PPP6C: variants seen among roughly 807,000 people sequenced by gnomAD.
PPP6C encodes protein phosphatase 6 catalytic subunit.
PPP6C carries 11 observed loss-of-function variants against 39.8 expected under a neutral mutation model. That is an observed-to-expected ratio of 0.28 (90% CI 0.17 to 0.46). PPP6C has a LOEUF of 0.46. Ranked by LOEUF, PPP6C falls within the 20% of genes least tolerant of loss-of-function variation. The pLI, the probability that PPP6C is intolerant of heterozygous loss-of-function variation, is 1.00. For missense variants in PPP6C, 211 were observed against 373.9 expected, an observed-to-expected ratio of 0.56 and a Z score of 3.59; for synonymous variants, 129 against 130.3, an observed-to-expected ratio of 0.99 and a Z score of 0.07.
Position 125,149,845 on chromosome 9 carries a change from T to A in PPP6C, c.746A>T (p.Asp249Val). The change falls in exon 7 of 7, where the codon GAT (aspartate) becomes GTT (valine). Residue 249 changes from aspartate to valine, a missense_variant. Transcript: ENST00000373547. ...LVHEGYKFMF[D>V]EKLVTVWSAP... is the part of the protein sequence containing the mutation. ...AGACCATACTGTCACCAGCTTCTCA[T>A]CAAACATAAATTTATAGCCTTCGTG... is the stretch of plus-strand genomic sequence containing the variant. 5.6e-6 allele frequency: 9 copies of A among 1,614,210 alleles called. No homozygotes were observed. Among genetic ancestry groups the A allele is most frequent in the Non-Finnish European group, 7.6e-6 (9 of 1,180,028 alleles).
intron 1 of PPP6C, among the ~76,000 whole-genome samples, chr9:125,173,118 A>C (rs1440633092): frequency 2.0e-5 from 3 of 152,036 alleles, no homozygotes; most frequent in African/African-American, 7.2e-5. Flanking sequence ...ATCTCTACTA[A>C]ATATAAAAAT....
chr9:125,171,486 T>C (rs369786953), intron 1 of PPP6C, among the ~76,000 whole-genome samples: 107 of 71,828 alleles, frequency 1.5e-3, no homozygotes, highest in Middle Eastern at 6.1e-3. Context: ...CACATATATA[T>C]ATATATATAT....
intron 2 of PPP6C, 76 bp downstream of exon 2, chr9:125,171,009 A>T: frequency 1.0e-6 from 1 of 968,146 alleles, no homozygotes. Flanking sequence ...TTGTTGTTTT[A>T]ATTTTGCAGC....
intron 4 of PPP6C, among the ~76,000 whole-genome samples, chr9:125,154,626 C>T (rs1439371065): frequency 6.6e-6 from 1 of 152,134 alleles, no homozygotes; most frequent in Non-Finnish European, 1.5e-5. Flanking sequence ...AATGTTTTAA[C>T]AGTTATGTTA....
At chr9:125,164,748 T>C (rs115426438) in intron 2 of PPP6C, among the ~76,000 whole-genome samples, 3,538 of 151,652 alleles carry the variant, frequency 0.023, 145 homozygotes, top group African/African-American at 0.082. Context: ...GGGAAGTGGA[T>C]TTTTTTTTGA....
intron 6 of PPP6C, 115 bp downstream of exon 6, chr9:125,153,418 C>T: frequency 1.1e-6 from 1 of 940,586 alleles, no homozygotes; most frequent in Non-Finnish European, 1.6e-6. Context: ...TTAATATCCA[C>T]AGCCACCATA....
chr9:125,179,807 C>T (rs1014626387), intron 1 of PPP6C, among the ~76,000 whole-genome samples: 3 of 151,914 alleles, frequency 2.0e-5, no homozygotes, highest in African/African-American at 4.8e-5. Context: ...AGGCACCTGC[C>T]ACCACACCCA....
chr9:125,150,819 A>G (rs961274265), intron 6 of PPP6C: 4 of 752,502 alleles, frequency 5.3e-6, no homozygotes, highest in Non-Finnish European at 9.8e-6. Context: ...CATCATTCAG[A>G]GTGGTTGTGG....
intron 1 of PPP6C, among the ~76,000 whole-genome samples, chr9:125,179,139 C>A (rs969887889): frequency 4.1e-5 from 6 of 144,704 alleles, no homozygotes; most frequent in Non-Finnish European, 4.5e-5. Flanking sequence ...TGCTTGAATG[C>A]GGGAGGCAGA....
At chr9:125,159,823 A>T (rs1220258315) in intron 3 of PPP6C, among the ~76,000 whole-genome samples, 7 of 152,302 alleles carry the variant, frequency 4.6e-5, no homozygotes, top group African/African-American at 1.7e-4. Context: ...AGAGATCCAG[A>T]CCATCCTGGC....
At chr9:125,170,993 ATGT>A (rs763331696) in intron 2 of PPP6C, 89 bp downstream of exon 2, 31 of 779,624 alleles carry the variant, frequency 4.0e-5, no homozygotes, top group South Asian at 3.9e-4. Flanking sequence ...GTGTTTGTTG[ATGT>A]TGTTGTTGTT....
chr9:125,150,530 G>T (rs953642006), intron 6 of PPP6C: 2 of 469,766 alleles, frequency 4.3e-6, no homozygotes, highest in African/African-American at 4.0e-5. Context: ...TGCCTATCTT[G>T]AAGATGGCGG....
At chr9:125,187,926 C>G (rs998698645) in intron 1 of PPP6C, among the ~76,000 whole-genome samples, 1 of 152,010 alleles carries the variant, frequency 6.6e-6, no homozygotes, top group African/African-American at 2.4e-5. Flanking sequence ...AATGACTCCC[C>G]TATCATATGC....
chr9:125,189,048 C>A, intron 1 of PPP6C: 1 of 894,302 alleles, frequency 1.1e-6, no homozygotes, highest in Non-Finnish European at 1.7e-6. Context: ...AAACGGGATT[C>A]ACCTCTGAAT....
intron 1 of PPP6C, among the ~76,000 whole-genome samples, chr9:125,186,965 G>A (rs1259538739): frequency 8.0e-5 from 6 of 75,448 alleles, no homozygotes; most frequent in Non-Finnish European, 1.4e-4. Context: ...TTTTTTTGGT[G>A]AGACGGAGTC....
chr9:125,173,838 G>A (rs866731611), intron 1 of PPP6C, among the ~76,000 whole-genome samples: 13 of 151,928 alleles, frequency 8.6e-5, no homozygotes, highest in Non-Finnish European at 8.8e-5. Context: ...GGATGGTCTC[G>A]CTCTCCTGAC....
At chr9:125,171,478 C>CACACACACATATATATAT (rs1171157245) in intron 1 of PPP6C, among the ~76,000 whole-genome samples, 1 of 83,530 alleles carries the variant, frequency 1.2e-5, no homozygotes, top group African/African-American at 5.5e-5. Flanking sequence ...CACACACACA[C>CACACACACATATATATAT]ATATATATAT....
intron 1 of PPP6C, among the ~76,000 whole-genome samples, chr9:125,173,527 G>A (rs918158098): frequency 1.5e-4 from 23 of 150,562 alleles, no homozygotes; most frequent in African/African-American, 4.9e-4. Context: ...GCCGAAAACC[G>A]AGGTCGCGCC....
chr9:125,168,581 C>G (rs1036408681), intron 2 of PPP6C, among the ~76,000 whole-genome samples: 4 of 152,064 alleles, frequency 2.6e-5, no homozygotes, highest in African/African-American at 9.7e-5. Flanking sequence ...GCCTCAGCCT[C>G]CTAAGGAGCT....
Sources: gnomAD v4.1 joint callset for allele counts (sites outside exome capture counted in the v4.1 genomes callset) on GRCh38, gnomAD v4.1.1 for gene constraint, MANE v1.5 for transcripts, NCBI Gene and HGNC (gene_info 2026-07-23, HGNC 2026-07-21) for gene names.